CORO2A: variants seen among roughly 807,000 people sequenced by gnomAD.
CORO2A encodes the protein coronin 2A.
CORO2A carries 47 observed loss-of-function variants against 62.4 expected under a neutral mutation model. The ratio of observed to expected loss-of-function variants is 0.75; its 90% CI spans 0.60 to 0.96. CORO2A has a LOEUF of 0.96. CORO2A is among the 40% of genes least tolerant of loss of function. CORO2A has a pLI of 0.00. For synonymous variants in CORO2A, 273 were observed against 268.9 expected (o/e 1.02, Z -0.15); for missense variants, 610 against 684.1 (o/e 0.89, Z 1.21).
intron 1 of CORO2A, among the ~76,000 whole-genome samples, chr9:98,179,466 C>A (rs1828148863): frequency 6.6e-6 from 1 of 152,184 alleles, no homozygotes; most frequent in South Asian, 2.1e-4. Flanking sequence ...TCCAGGCTGT[C>A]CTCATCTCAG....
At chr9:98,161,478 G>T (rs13290961) in intron 1 of CORO2A, among the ~76,000 whole-genome samples, 58,604 of 151,902 alleles carry the variant, frequency 0.39, 11,465 homozygotes, top group Middle Eastern at 0.43. Context: ...CACTTGAACC[G>T]GGAATGCGGA....
intron 2 of CORO2A, among the ~76,000 whole-genome samples, chr9:98,143,637 A>G (rs1014482806): frequency 1.3e-5 from 2 of 152,226 alleles, no homozygotes; most frequent in African/African-American, 4.8e-5. Context: ...GACGGTGCCC[A>G]GTACTTGCTA....
chr9:98,137,423 C>G (rs1827501649), intron 3 of CORO2A, 149 bp downstream of exon 3: 1 of 698,826 alleles, frequency 1.4e-6, no homozygotes, highest in Non-Finnish European at 2.6e-6. Context: ...ATGTCTCCTC[C>G]TCTACCTTAA....
At chr9:98,150,642 C>A (rs1827710645) in intron 2 of CORO2A, among the ~76,000 whole-genome samples, 2 of 152,156 alleles carry the variant, frequency 1.3e-5, no homozygotes, top group Non-Finnish European at 2.9e-5. Flanking sequence ...CCGAGCAGTT[C>A]ATGCAAGTTA....
chr9:98,132,477 A>G (rs1321539812), intron 5 of CORO2A, among the ~76,000 whole-genome samples, 176 bp from the exon 6 acceptor site: 1 of 152,146 alleles, frequency 6.6e-6, no homozygotes, highest in Non-Finnish European at 1.5e-5. Context: ...TCTCATCCAC[A>G]TGGAGTCTCT....
intron 1 of CORO2A, among the ~76,000 whole-genome samples, chr9:98,175,670 G>A (rs999598863): frequency 6.6e-6 from 1 of 152,162 alleles, no homozygotes; most frequent in East Asian, 1.9e-4. Context: ...CAACACAATC[G>A]CATGGAGAGG....
In CORO2A at chr9:98,132,475, A is replaced by G. The variant is rs117001594; in HGVS notation, c.649-174T>C. Among the ~76,000 whole-genome samples, 136 of 152,278 alleles carry G rather than the reference A, an allele frequency of 8.9e-4. No homozygotes were observed. In the East Asian group the frequency reaches 0.023, roughly 26 times the overall value. On this transcript the variant is annotated intron_variant, in intron 5 of 11. Coordinates refer to ENST00000375077, the MANE Select transcript of CORO2A (RefSeq NM_052820.4). ...GGCACCACCTGGATCCCTCTCATCC[A>G]CATGGAGTCTCTCCCCACTATCTTT...
intron 2 of CORO2A, among the ~76,000 whole-genome samples, chr9:98,140,809 C>CT (rs760470652): frequency 1.6e-4 from 24 of 152,172 alleles, no homozygotes; most frequent in Non-Finnish European, 3.1e-4. Flanking sequence ...TGGAAATACT[C>CT]TGGCTAATCC....
chr9:98,163,283 G>A (rs1272214653), intron 1 of CORO2A, among the ~76,000 whole-genome samples: 1 of 152,188 alleles, frequency 6.6e-6, no homozygotes, highest in Non-Finnish European at 1.5e-5. Context: ...TCTGCCTCCT[G>A]GGTTCAAGCG....
chr9:98,169,246 T>C (rs1048084566), intron 1 of CORO2A, among the ~76,000 whole-genome samples: 2 of 152,082 alleles, frequency 1.3e-5, no homozygotes, highest in Admixed American at 1.3e-4. Flanking sequence ...CAGATGCATC[T>C]CTGCAGGCCC....
chr9:98,146,498 G>A (rs959439533), intron 2 of CORO2A, among the ~76,000 whole-genome samples: 4 of 152,222 alleles, frequency 2.6e-5, no homozygotes, highest in Non-Finnish European at 4.4e-5. Context: ...CTTCCTGCAC[G>A]CTGTGGCAAG....
chr9:98,133,259 G>T lies in CORO2A; in HGVS notation c.469-42C>A. 2.5e-6 allele frequency: 4 copies of T among 1,593,070 alleles called. No individual in the cohort carries two copies. The Admixed American group carries it at 5.1e-5, about 20-fold the overall frequency. On this transcript the variant is annotated intron_variant, in intron 4 of 11. Coordinates refer to ENST00000375077, the MANE Select transcript of CORO2A (RefSeq NM_052820.4). ...CAGCTCTGAGCACAGGGGCCACCTT[G>T]CCCCTGGGCCTCATAGTTACATGCT...
At chr9:98,174,143 A>C (rs921009175) in intron 1 of CORO2A, among the ~76,000 whole-genome samples, 10 of 151,458 alleles carry the variant, frequency 6.6e-5, no homozygotes, top group Admixed American at 5.3e-4. Context: ...AAAAAACAAA[A>C]AAAAAAAACC....
chr9:98,156,913 G>T (rs994719055), intron 2 of CORO2A, among the ~76,000 whole-genome samples: 7 of 152,188 alleles, frequency 4.6e-5, no homozygotes, highest in African/African-American at 1.7e-4. Flanking sequence ...GAGACTCAGG[G>T]TTGGCATCCT....
chr9:98,159,980 C>T (rs990828387), intron 1 of CORO2A, among the ~76,000 whole-genome samples: 6 of 152,178 alleles, frequency 3.9e-5, no homozygotes, highest in East Asian at 1.9e-4. Context: ...TTCCTCAGAA[C>T]GAGATTACAC....
intron 1 of CORO2A, among the ~76,000 whole-genome samples, chr9:98,158,836 AAC>A (rs34090994): frequency 0.015 from 2,283 of 149,206 alleles, 51 homozygotes; most frequent in African/African-American, 0.045. Flanking sequence ...AAAAGAAGAA[AAC>A]ACACACACAC....
intron 1 of CORO2A, among the ~76,000 whole-genome samples, chr9:98,180,420 A>T (rs558635076): frequency 5.3e-5 from 8 of 151,930 alleles, no homozygotes; most frequent in Non-Finnish European, 1.0e-4. Flanking sequence ...CTCCCCTCAC[A>T]TCACGTTTTC....
chr9:98,124,906 C>G lies in CORO2A; in HGVS notation c.1447-1G>C. 6.4e-7 allele frequency: 1 copy of G among 1,561,844 alleles called. No homozygotes were observed. The highest frequency in any genetic ancestry group is 8.7e-7 in the Non-Finnish European group (1 of 1,151,374). The stretch of plus-strand genomic sequence containing the variant: ...GTTGCCGGTAGAACATCTGCAGCAA[C>G]TGGGGAAGAAAGATCGGAAGGCAGG... On this transcript the variant is annotated splice_acceptor_variant, in intron 11 of 11. Coordinates refer to ENST00000375077, the MANE Select transcript of CORO2A (RefSeq NM_052820.4). LOFTEE classifies it high-confidence loss of function.
In CORO2A at chr9:98,190,444, T is replaced by C. The variant is rs182914682; in HGVS notation, c.-1+2115A>G. 2.6e-5 allele frequency among the ~76,000 whole-genome samples: 4 copies of C among 152,326 alleles called. No individual in the cohort carries two copies. In the East Asian group the frequency reaches 7.7e-4, roughly 29 times the overall value. Reference sequence around the variant, plus strand: ...ATACAGACTGCTTTCATTTATTATATGTTATGTGTTTTTTTGGAGAAAAAA... The same window carrying C: ...ATACAGACTGCTTTCATTTATTATACGTTATGTGTTTTTTTGGAGAAAAAA... On this transcript the variant is annotated intron_variant, in intron 1 of 11. Coordinates refer to ENST00000375077, the MANE Select transcript of CORO2A (RefSeq NM_052820.4).
Sources: gnomAD v4.1 joint callset for allele counts (sites outside exome capture counted in the v4.1 genomes callset) on GRCh38, gnomAD v4.1.1 for gene constraint, MANE v1.5 for transcripts, NCBI Gene and HGNC (gene_info 2026-07-23, HGNC 2026-07-21) for gene names.